Variants in KRT4 observed in about 807,000 individuals in gnomAD.
KRT4 encodes keratin 4.
KRT4 carries 47 observed loss-of-function variants against 50.6 expected under a neutral mutation model. The observed-to-expected ratio is 0.93, with a 90% CI of 0.73 to 1.18. KRT4 has a LOEUF of 1.18. KRT4 is among the 50% of genes most tolerant of loss of function. The pLI, the probability that KRT4 is intolerant of heterozygous loss-of-function variation, is 0.00. For missense variants in KRT4, 651 were observed against 645.7 expected (o/e 1.01, Z -0.09); for synonymous variants, 254 against 251.2 (o/e 1.01, Z -0.10).
chr12:52,806,936 GC>G lies in KRT4; in HGVS notation c.*132del, dbSNP rs1478326900. ...AGAAGATCATCCTGGGGCAGAGAGAGCCCATGGGATAGTGGAGGGGATACTA... is the reference window on the plus strand; with the variant it reads ...AGAAGATCATCCTGGGGCAGAGAGAGCCATGGGATAGTGGAGGGGATACTA... On this transcript the variant is annotated 3_prime_UTR_variant, in exon 9 of 9. Transcript: ENST00000551956. 1 of 866,996 alleles carries G rather than the reference GC, an allele frequency of 1.2e-6. No homozygotes were observed. The highest frequency in any genetic ancestry group is 1.9e-6 in the Non-Finnish European group (1 of 529,008). 53.7% of individuals were successfully genotyped at this position (866,996 alleles called of 1,614,324 possible).
rs1939920389 is a variant in KRT4, at chr12:52,811,955, T to A, written c.485A>T (p.Asn162Ile). The change falls in exon 2 of 9, where the codon AAT becomes ATT. Residue 162 changes from asparagine (N) to isoleucine (I), a missense_variant. Transcript: ENST00000551956. ...GTTCCATTTGGTCTCCAGGACCTTA[T>A]TCTGTTGCTCTAAGAACTGCACCTG... ...IDKVQFLEQQ[N>I]KVLETKWNLL... The A allele has an allele frequency of 6.2e-7, 1 of 1,613,690 alleles. No individual in the cohort carries two copies. The highest frequency in any genetic ancestry group is 1.3e-5 in the African/African-American group (1 of 74,918).
chr12:52,808,922 G>C, intron 4 of KRT4, 72 bp from the exon 5 acceptor site: 1 of 1,505,886 alleles, frequency 6.6e-7, no homozygotes, highest in South Asian at 1.1e-5. Flanking sequence ...TCAAGTAGGA[G>C]CAGAGCTGGC....
intron 2 of KRT4, chr12:52,811,531 T>C (rs1283709732): frequency 1.8e-6 from 1 of 554,660 alleles, no homozygotes; most frequent in African/African-American, 1.9e-5. Context: ...CTTGTTCGTA[T>C]ATGGCAGACC....
chr12:52,813,019 C>G (rs1307711256), intron 1 of KRT4, among the ~76,000 whole-genome samples: 2 of 152,092 alleles, frequency 1.3e-5, no homozygotes, highest in East Asian at 3.9e-4. Context: ...CTAGACGTTG[C>G]ATGAAAAAGG....
At chr12:52,812,191 G>T (rs75099616) in intron 1 of KRT4, among the ~76,000 whole-genome samples, 2,045 of 152,308 alleles carry the variant, frequency 0.013, 43 homozygotes, top group African/African-American at 0.045. Flanking sequence ...CACATAGGTT[G>T]TGGAGAATAG....
At position 52,807,131 on chromosome 12, in the gene KRT4, T is replaced by G. The variant is rs775561795; in HGVS notation, c.1501A>C (p.Ser501Arg). 3 of 1,613,972 alleles carry G rather than the reference T, an allele frequency of 1.9e-6. No individual in the cohort carries two copies. In the East Asian group the frequency reaches 6.7e-5, roughly 36 times the overall value. Reference sequence around the variant, plus strand: ...TTGCTGCTGGAACTGCCAGAGACACTGCCACCAAACCCAAAGCCACTTCCA... The same window carrying G: ...TTGCTGCTGGAACTGCCAGAGACACGGCCACCAAACCCAAAGCCACTTCCA... ...GSGSGFGFGG[S>R]VSGSSSSKII... Residue 501 changes from serine (S) to arginine (R), a missense_variant, in exon 9 of 9, where the codon AGT (serine) becomes CGT (arginine). Physicochemically the swap from Ser to Arg is moderately radical, Grantham distance 110 (BLOSUM62 -1). Transcript: ENST00000551956.
intron 5 of KRT4, 110 bp downstream of exon 5, chr12:52,808,576 C>A: frequency 6.8e-7 from 1 of 1,475,088 alleles, no homozygotes; most frequent in South Asian, 1.1e-5. Context: ...CTGGGAGAGT[C>A]TGTTCATATC....
intron 3 of KRT4, among the ~76,000 whole-genome samples, chr12:52,810,026 C>A (rs1939881233): frequency 6.6e-6 from 1 of 152,192 alleles, no homozygotes; most frequent in South Asian, 2.1e-4. Flanking sequence ...TAACACATGT[C>A]CTCACTTATA....
At chr12:52,807,305 G>A in intron 8 of KRT4, 54 bp downstream of exon 8, 1 of 1,613,980 alleles carries the variant, frequency 6.2e-7, no homozygotes, top group Non-Finnish European at 8.5e-7. Flanking sequence ...CACCCCAGGG[G>A]TCTGGCAAGA....
chr12:52,809,629 T>C (rs2121249313), intron 3 of KRT4, 151 bp from the exon 4 acceptor site: 1 of 703,896 alleles, frequency 1.4e-6, no homozygotes, highest in South Asian at 1.5e-5. Context: ...ATTTTATATA[T>C]TCTTCCCTAG....
Position 52,811,965 on chromosome 12 carries a change from C to G in KRT4, c.475G>C (p.Glu159Gln). The G allele has an allele frequency of 6.2e-7, 1 of 1,613,350 alleles. No homozygotes were observed. The highest frequency in any genetic ancestry group is 1.1e-5 in the South Asian group (1 of 91,010). ...GTCTCCAGGACCTTATTCTGTTGCTCTAAGAACTGCACCTGTGTTGATAAA... is the reference window on the plus strand; with the variant it reads ...GTCTCCAGGACCTTATTCTGTTGCTGTAAGAACTGCACCTGTGTTGATAAA... ...ASFIDKVQFL[E>Q]QQNKVLETKW... Residue 159 changes from glutamate (E) to glutamine (Q), a missense_variant, in exon 2 of 9, where the codon GAG becomes CAG. By Grantham distance (29) the Glu-to-Gln change is conservative. Coordinates refer to ENST00000551956, the MANE Select transcript of KRT4 (RefSeq NM_002272.4).
rs2121246855 is a variant in KRT4 at position 52,808,747 on chromosome 12, G to A, written c.938C>T (p.Ala313Val). 6.2e-7 allele frequency: 1 copy of A among 1,614,152 alleles called. No individual in the cohort carries two copies. The highest frequency in any genetic ancestry group is 1.6e-4 in the Middle Eastern group (1 of 6,062). Residue 313 changes from alanine (A) to valine (V), a missense_variant, in exon 5 of 9, where the codon GCC becomes GTC. By Grantham distance (64) the Ala-to-Val change is moderately conservative. Transcript: ENST00000551956. ...CCTCTGGGCAATCTCCTCGTACTGG[G>A]CACGGACCTCGGCAATAATGCTGTC... ...DLDSIIAEVR[A>V]QYEEIAQRSK... is the part of the protein sequence containing the mutation.
At chr12:52,808,235 G>T in intron 6 of KRT4, 59 bp downstream of exon 6, 1 of 1,597,698 alleles carries the variant, frequency 6.3e-7, no homozygotes, top group Non-Finnish European at 8.6e-7. Flanking sequence ...TGTCCACTCT[G>T]GAGATGTCTG....
At chr12:52,811,703 G>C in intron 2 of KRT4, 60 bp downstream of exon 2, 1 of 1,394,900 alleles carries the variant, frequency 7.2e-7, no homozygotes, top group Non-Finnish European at 1.0e-6. Flanking sequence ...AGAGCCCCGG[G>C]AGCCTGGGTG....
At position 52,807,959 on chromosome 12, in the gene KRT4, G is replaced by A; in HGVS notation, c.1126-95C>T. The A allele has an allele frequency of 5.3e-6, 6 of 1,136,568 alleles. No individual in the cohort carries two copies. The South Asian group carries it at 7.8e-5, about 15-fold the overall frequency. The allele number at this position is 1,136,568 out of a possible 1,614,324, so 70.4% of individuals were successfully genotyped here. On this transcript the variant is annotated intron_variant, in intron 6 of 8. Transcript: ENST00000551956. Reference sequence around the variant, plus strand: ...CCCTGGTCCAGCTTTCCTTGGGTTAGGATGTCAAGATTCTATCTGTTCTGC... The same window carrying A: ...CCCTGGTCCAGCTTTCCTTGGGTTAAGATGTCAAGATTCTATCTGTTCTGC...
chr12:52,808,469 G>A, intron 5 of KRT4, 50 bp from the exon 6 acceptor site: 1 of 1,611,206 alleles, frequency 6.2e-7, no homozygotes, highest in Non-Finnish European at 8.5e-7. Flanking sequence ...CATTTGGGTA[G>A]GGTCCATTCT....
chr12:52,809,176 C>G, intron 4 of KRT4: 1 of 645,800 alleles, frequency 1.5e-6, no homozygotes, highest in Non-Finnish European at 2.8e-6. Flanking sequence ...ATCTAATCAC[C>G]CCGTCTAAGA....
In KRT4 at chr12:52,807,294, G is replaced by A. The variant is rs372405316; in HGVS notation, c.1382-44C>T. On this transcript the variant is annotated intron_variant, in intron 8 of 8. Coordinates refer to ENST00000551956, the MANE Select transcript of KRT4 (RefSeq NM_002272.4). Reference sequence around the variant, plus strand: ...AGACACAGTTATTCCAATGCTGCCAGCACCCCAGGGGTCTGGCAAGACCCG... The same window carrying A: ...AGACACAGTTATTCCAATGCTGCCAACACCCCAGGGGTCTGGCAAGACCCG... 6.2e-6 allele frequency: 10 copies of A among 1,614,024 alleles called. No homozygotes were observed. In the African/African-American group the frequency reaches 1.3e-4, roughly 22 times the overall value.
chr12:52,808,948 G>A (rs907336639), intron 4 of KRT4, 98 bp from the exon 5 acceptor site: 1 of 1,283,172 alleles, frequency 7.8e-7, no homozygotes, highest in Middle Eastern at 1.8e-4. Context: ...CAATGTGTAG[G>A]AAGGGGAGAG....
Sources: gnomAD v4.1 joint callset for allele counts (sites outside exome capture counted in the v4.1 genomes callset) on GRCh38, gnomAD v4.1.1 for gene constraint, MANE v1.5 for transcripts, NCBI Gene and HGNC (gene_info 2026-07-23, HGNC 2026-07-21) for gene names.